The following ITK variants were observed in gnomAD, a reference collection of about 807,000 sequenced individuals.
The protein encoded by ITK is IL2 inducible T cell kinase, also known as tyrosine-protein kinase ITK/TSK.
ITK carries 45 observed loss-of-function variants against 87.6 expected under a neutral mutation model. That is an observed-to-expected ratio of 0.51 (90% CI 0.40 to 0.66). ITK has a LOEUF of 0.66. ITK is among the 30% of genes least tolerant of loss of function. ITK has a pLI of 0.00. For synonymous variants in ITK, 303 were observed against 273.6 expected (o/e 1.11, Z -1.06); for missense variants, 605 against 766.3 (o/e 0.79, Z 2.48).
At chr5:157,205,319 G>A (rs535211296) in intron 1 of ITK, among the ~76,000 whole-genome samples, 128 of 152,176 alleles carry the variant, frequency 8.4e-4, no homozygotes, top group Non-Finnish European at 1.6e-3. Flanking sequence ...TTTCCCAAAC[G>A]TGTGCTCATT....
chr5:157,232,587 A>C (rs1316269437), intron 8 of ITK, among the ~76,000 whole-genome samples, 193 bp downstream of exon 8: 2 of 142,270 alleles, frequency 1.4e-5, no homozygotes, highest in Non-Finnish European at 3.1e-5. Flanking sequence ...CAAAAGAAGA[A>C]AGAGAGGAAG....
chr5:157,194,641 T>C (rs892251426), intron 1 of ITK, among the ~76,000 whole-genome samples: 3 of 152,124 alleles, frequency 2.0e-5, no homozygotes. Flanking sequence ...CAAAGTGGGG[T>C]ACTATCAGGA....
chr5:157,195,517 C>T (rs779888908), intron 1 of ITK: 5 of 152,150 alleles, frequency 3.3e-5, no homozygotes, highest in African/African-American at 1.2e-4. Flanking sequence ...CCATGTGGCA[C>T]ATTTCAATAA....
intron 8 of ITK, among the ~76,000 whole-genome samples, chr5:157,237,070 C>A (rs548329044): frequency 2.0e-5 from 3 of 152,132 alleles, no homozygotes; most frequent in Admixed American, 6.5e-5. Context: ...AGGGTATATA[C>A]CCAAAGGATA....
chr5:157,186,682 AAGAGAGAG>A (rs61141972), intron 1 of ITK, among the ~76,000 whole-genome samples: 131 of 148,654 alleles, frequency 8.8e-4, no homozygotes, highest in South Asian at 3.0e-3. Flanking sequence ...GTCTCAAAAA[AAGAGAGAG>A]AGAGAGAGAG....
intron 8 of ITK, 55 bp from the exon 9 acceptor site, chr5:157,238,054 G>T: frequency 7.7e-7 from 1 of 1,306,036 alleles, no homozygotes; most frequent in South Asian, 1.2e-5. Context: ...GGAGCTGGAG[G>T]CATAAGCCTG....
At chr5:157,194,025 G>A (rs1403869144) in intron 1 of ITK, among the ~76,000 whole-genome samples, 5 of 152,068 alleles carry the variant, frequency 3.3e-5, no homozygotes, top group Non-Finnish European at 5.9e-5. Context: ...CTACGAGGAC[G>A]GTAAGTAATT....
chr5:157,204,959 C>T (rs1445834654), intron 1 of ITK, among the ~76,000 whole-genome samples: 7 of 152,096 alleles, frequency 4.6e-5, no homozygotes, highest in South Asian at 2.1e-4. Context: ...GATCAGCTTC[C>T]GGGCTGAGGA....
chr5:157,203,613 G>A (rs1392470655), intron 1 of ITK, among the ~76,000 whole-genome samples: 1 of 152,220 alleles, frequency 6.6e-6, no homozygotes, highest in Non-Finnish European at 1.5e-5. Flanking sequence ...CTGTTTACCA[G>A]TAGCTGCAGA....
chr5:157,186,133 A>G (rs1387528358), intron 1 of ITK, among the ~76,000 whole-genome samples: 1 of 152,116 alleles, frequency 6.6e-6, no homozygotes, highest in South Asian at 2.1e-4. Context: ...GATAAATAGT[A>G]CTTATTACCA....
At chr5:157,247,646 G>T (rs888535816) in intron 15 of ITK, among the ~76,000 whole-genome samples, 4 of 152,194 alleles carry the variant, frequency 2.6e-5, no homozygotes, top group African/African-American at 9.7e-5. Flanking sequence ...CAGAAATGAG[G>T]TTGATGGATG....
intron 11 of ITK, among the ~76,000 whole-genome samples, chr5:157,243,163 T>A (rs1754947831): frequency 6.6e-6 from 1 of 152,256 alleles, no homozygotes; most frequent in East Asian, 1.9e-4. Flanking sequence ...CCAGACACTG[T>A]GCTAGCTTGT....
chr5:157,200,546 G>A (rs1753945160), intron 1 of ITK, among the ~76,000 whole-genome samples: 2 of 152,198 alleles, frequency 1.3e-5, no homozygotes, highest in South Asian at 4.1e-4. Flanking sequence ...CAACTAGGGA[G>A]GACATAGCTG....
intron 2 of ITK, 33 bp from the exon 3 acceptor site, chr5:157,211,254 T>C (rs778765310): frequency 6.3e-7 from 1 of 1,577,294 alleles, no homozygotes; most frequent in South Asian, 1.1e-5. Flanking sequence ...CCATGCACGC[T>C]GCTCACCTTG....
chr5:157,250,162 TA>T (rs1755112930), intron 16 of ITK, among the ~76,000 whole-genome samples: 2 of 152,226 alleles, frequency 1.3e-5, no homozygotes. Flanking sequence ...TCCATCATTA[TA>T]GTATCAGACA....
intron 13 of ITK, chr5:157,244,852 ACTCTCAGAAT>A (rs1475711444): frequency 6.9e-6 from 2 of 290,174 alleles, no homozygotes; most frequent in Non-Finnish European, 1.4e-5. Context: ...CCCTTAAGCT[ACTCTCAGAAT>A]CTCTGGTGGC....
At position 157,253,601 on chromosome 5, in the gene ITK, C is replaced by T. The variant is rs1755189646; in HGVS notation, c.*923C>T. On this transcript the variant is annotated 3_prime_UTR_variant, in exon 17 of 17. Coordinates refer to ENST00000422843, the MANE Select transcript of ITK (RefSeq NM_005546.4). The stretch of plus-strand genomic sequence containing the variant: ...TACTTCTGAAAAACATCCTTTTTTC[C>T]AGCCTCTGGGAATCAGCCCCCCCTC... The T allele has an allele frequency of 4.4e-6, 1 of 228,484 alleles. No homozygotes were observed. The highest frequency in any genetic ancestry group is 2.2e-5 in the African/African-American group (1 of 45,198). The allele number at this position is 228,484 out of a possible 1,614,324, so 14.2% of individuals were successfully genotyped here.
At chr5:157,219,058 A>G (rs1208387486) in intron 5 of ITK, among the ~76,000 whole-genome samples, 1 of 150,616 alleles carries the variant, frequency 6.6e-6, no homozygotes, top group East Asian at 1.9e-4. Context: ...ACCTTTAGGT[A>G]GGGAATATGA....
chr5:157,195,321 CA>C (rs1753831346), intron 1 of ITK: 1 of 152,212 alleles, frequency 6.6e-6, no homozygotes. Context: ...GTTCCTAACA[CA>C]TAATTAACTG....
Sources: allele counts gnomAD v4.1 joint callset (sites outside exome capture counted in the v4.1 genomes callset), GRCh38; gene constraint gnomAD v4.1.1; transcripts MANE v1.5; gene names NCBI Gene and HGNC (gene_info 2026-07-23, HGNC 2026-07-21).